CACNA1C: variants seen among roughly 807,000 people sequenced by gnomAD.
CACNA1C encodes the protein calcium voltage-gated channel subunit alpha1 C.
A neutral mutation model predicts 229.0 loss-of-function variants in CACNA1C; 30 were observed. That is an observed-to-expected ratio of 0.13 (90% confidence interval 0.10 to 0.18). The LOEUF is 0.18. Ranked by LOEUF, CACNA1C falls within the 10% of genes least tolerant of loss-of-function variation. The pLI is 1.00. For missense variants in CACNA1C, 1,658 were observed against 2,845.0 expected, an observed-to-expected ratio of 0.58 and a Z score of 9.49; for synonymous variants, 1,114 against 1,132.5, an observed-to-expected ratio of 0.98 and a Z score of 0.33.
At chr12:2,157,522 C>T (rs1185614175) in intron 3 of CACNA1C, among the ~76,000 whole-genome samples, 5 of 152,234 alleles carry the variant, frequency 3.3e-5, no homozygotes, top group Non-Finnish European at 5.9e-5. Flanking sequence ...TAAGCCTGTA[C>T]TCTCTAGGCA....
chr12:1,984,235 C>T (rs1467080193), intron 1 of CACNA1C, among the ~76,000 whole-genome samples: 1 of 151,950 alleles, frequency 6.6e-6, no homozygotes, highest in East Asian at 1.9e-4. Flanking sequence ...ACGTAACTAC[C>T]GATATGGTTG....
At chr12:2,095,483 G>A (rs892139937) in intron 1 of CACNA1C, among the ~76,000 whole-genome samples, 7 of 152,198 alleles carry the variant, frequency 4.6e-5, no homozygotes, top group African/African-American at 1.4e-4. Context: ...TCTTAAAGAT[G>A]GACTTCTCCT....
In CACNA1C at chr12:2,053,504, G is replaced by C. The variant is rs1031882210; in HGVS notation, c.-59G>C. On this transcript the variant is annotated 5_prime_UTR_variant, in exon 1 of 47. Coordinates refer to ENST00000399655, the MANE Select transcript of CACNA1C (RefSeq NM_000719.7). This position sits in a 1 kb window ranked among gnomAD's most constrained non-coding sequence, Gnocchi z 5.8. ...GGGATTAATCCAGACCCGCCGGGGGGTGTTTTCACATTTCTTCCTCTTCGT... is the reference window on the plus strand; with the variant it reads ...GGGATTAATCCAGACCCGCCGGGGGCTGTTTTCACATTTCTTCCTCTTCGT... 2 of 1,544,792 alleles carry C rather than the reference G, an allele frequency of 1.3e-6. No individual in the cohort carries two copies. The highest frequency in any genetic ancestry group is 1.7e-6 in the Non-Finnish European group (2 of 1,143,534).
chr12:2,178,013 A>G (rs2096720547), intron 3 of CACNA1C, among the ~76,000 whole-genome samples: 1 of 152,186 alleles, frequency 6.6e-6, no homozygotes, highest in South Asian at 2.1e-4. Flanking sequence ...AAGGGAGGTG[A>G]GGAGCTAGGA....
At position 2,319,459 on chromosome 12, in the gene CACNA1C, G is replaced by A. The variant is rs181383793; in HGVS notation, c.478-129517G>A. ...CCATGCATCAGGAGGAAGAGACCTC[G>A]CTCCCACGCCACAGCCCCAGGCCCC... On this transcript the variant is annotated intron_variant, in intron 3 of 46. Transcript: ENST00000399655. This position sits in a 1 kb window ranked among gnomAD's most constrained non-coding sequence, Gnocchi z 4.0. Among the ~76,000 whole-genome samples the A allele has an allele frequency of 9.7e-3, 1,472 of 152,192 alleles. 16 individuals are homozygous for A. The highest frequency in any genetic ancestry group is 0.015 in the Non-Finnish European group (1,040 of 67,978).
intron 1 of CACNA1C, among the ~76,000 whole-genome samples, chr12:1,995,051 A>C (rs1039343008): frequency 6.6e-6 from 1 of 152,176 alleles, no homozygotes; most frequent in African/African-American, 2.4e-5. Flanking sequence ...TTTGGAGAAA[A>C]GACTAAAAAA....
chr12:2,483,291 A>G (rs973544576), intron 5 of CACNA1C, among the ~76,000 whole-genome samples: 7 of 152,214 alleles, frequency 4.6e-5, no homozygotes, highest in Admixed American at 2.0e-4. Context: ...GGTGACAGGG[A>G]GTCACTGGGT....
chr12:2,151,533 C>T (rs2095266763), intron 3 of CACNA1C, among the ~76,000 whole-genome samples: 1 of 152,074 alleles, frequency 6.6e-6, no homozygotes, highest in African/African-American at 2.4e-5. Flanking sequence ...GGACTCTGTC[C>T]CTATCACATA....
Position 2,512,181 on chromosome 12 carries a change from G to A in CACNA1C, c.1218-631G>A, listed in dbSNP as rs1397121794. On this transcript the variant is annotated intron_variant, in intron 8 of 46. Transcript: ENST00000399655. The surrounding 1 kb of genome is among the most constrained non-coding windows in gnomAD (Gnocchi z 4.3). The stretch of plus-strand genomic sequence containing the variant: ...AATATTTAACAATTGGCTCTCTATG[G>A]GGAAAGCCCTGGTTTTCAGCATTTG... Among the ~76,000 whole-genome samples, 1 of 152,104 alleles carries A rather than the reference G, an allele frequency of 6.6e-6. No homozygotes were observed. The highest frequency in any genetic ancestry group is 1.9e-4 in the East Asian group (1 of 5,176).
At chr12:2,225,121 T>C (rs527404436) in intron 3 of CACNA1C, among the ~76,000 whole-genome samples, 1 of 152,324 alleles carries the variant, frequency 6.6e-6, no homozygotes, top group East Asian at 1.9e-4. Context: ...CTTTTTGTTT[T>C]TCCATCTGTG....
chr12:2,101,161 G>A (rs1027776598), intron 1 of CACNA1C, among the ~76,000 whole-genome samples: 7 of 152,110 alleles, frequency 4.6e-5, no homozygotes, highest in African/African-American at 1.7e-4. Flanking sequence ...TGCTGTCAGT[G>A]GATGTGCATT....
At chr12:2,643,120 C>T (rs542281619) in intron 30 of CACNA1C, among the ~76,000 whole-genome samples, 7 of 152,308 alleles carry the variant, frequency 4.6e-5, no homozygotes, top group Admixed American at 6.5e-5. Context: ...AAAGACCCCT[C>T]GAGGGGAGTT....
At chr12:2,051,202 G>A (rs551148901), upstream of CACNA1C, among the ~76,000 whole-genome samples, 7 of 152,316 alleles carry the variant, frequency 4.6e-5, no homozygotes, top group South Asian at 1.0e-3. Context: ...AGCCGAGGGA[G>A]TTTGTGTTTC....
intron 2 of CACNA1C, among the ~76,000 whole-genome samples, chr12:2,116,937 A>G (rs1259160710): frequency 6.6e-6 from 1 of 152,242 alleles, no homozygotes; most frequent in African/African-American, 2.4e-5. Flanking sequence ...AAGGTAGCCT[A>G]GAGATAAAGA....
chr12:2,260,475 T>TAAAAAAA (rs549203538), intron 3 of CACNA1C, among the ~76,000 whole-genome samples: 1 of 100,974 alleles, frequency 9.9e-6, no homozygotes, highest in African/African-American at 3.6e-5. Flanking sequence ...CTGTCTCTAT[T>TAAAAAAA]AAAAAAAAAA....
intron 3 of CACNA1C, among the ~76,000 whole-genome samples, chr12:2,325,752 C>G (rs534527119): frequency 6.6e-6 from 1 of 152,368 alleles, no homozygotes; most frequent in Middle Eastern, 3.4e-3. Flanking sequence ...ACTTATGCAT[C>G]AGCCCAGCCC....
chr12:2,615,301 C>T (rs1297096720), intron 29 of CACNA1C, among the ~76,000 whole-genome samples: 3 of 152,112 alleles, frequency 2.0e-5, no homozygotes, highest in African/African-American at 7.2e-5. Flanking sequence ...AGCTTGTCAG[C>T]AAAGACAGGA....
chr12:2,308,183 A>G (rs1295888752), intron 3 of CACNA1C, among the ~76,000 whole-genome samples: 1 of 152,232 alleles, frequency 6.6e-6, no homozygotes, highest in African/African-American at 2.4e-5. Context: ...GGTTAGAGAA[A>G]GAAGCAAGGC....
At chr12:2,671,538 G>A (rs2096570077) in intron 38 of CACNA1C, among the ~76,000 whole-genome samples, 1 of 152,198 alleles carries the variant, frequency 6.6e-6, no homozygotes, top group Non-Finnish European at 1.5e-5. Flanking sequence ...GGAATATGCT[G>A]TAATACTTAA....
Sources: allele counts gnomAD v4.1 joint callset (sites outside exome capture counted in the v4.1 genomes callset), GRCh38; gene constraint gnomAD v4.1.1; non-coding constraint Gnocchi (gnomAD v3.1); transcripts MANE v1.5; gene names NCBI Gene and HGNC (gene_info 2026-07-23, HGNC 2026-07-21).